CGNL1: variants seen among roughly 807,000 people sequenced by gnomAD.
CGNL1 encodes cingulin-like protein 1.
In CGNL1, 132 loss-of-function variants were observed where a neutral mutation model predicts 141.2. The ratio of observed to expected loss-of-function variants is 0.93; its 90% CI spans 0.81 to 1.08. The LOEUF is 1.08. CGNL1 is among the 50% of genes least tolerant of loss of function. The probability of loss-of-function intolerance (pLI) is 0.00; values close to 1 mark genes in which losing one functional copy is unlikely to be tolerated. For synonymous variants in CGNL1, 690 were observed against 622.1 expected (o/e 1.11, Z -1.63); for missense variants, 1,870 against 1,588.6 (o/e 1.18, Z -3.01).
chr15:57,532,096 G>A (rs1431479289), intron 14 of CGNL1, among the ~76,000 whole-genome samples: 3 of 152,134 alleles, frequency 2.0e-5, no homozygotes, highest in African/African-American at 7.2e-5. Flanking sequence ...AGAGTGAAGG[G>A]CTTTCTAAAT....
In CGNL1 at chr15:57,461,929, G is replaced by T. The variant is rs760781688; in HGVS notation, c.2403+37G>T. 2.6e-6 allele frequency: 4 copies of T among 1,527,570 alleles called. No homozygotes were observed. The African/African-American group carries it at 5.5e-5, about 21-fold the overall frequency. 94.6% of individuals were successfully genotyped at this position (1,527,570 alleles called of 1,614,324 possible). ...GGCAGGAGAATCTGGCTTGTGAACA[G>T]ATGAAAGGGTAAGACCCTCTCTCCC... On this transcript the variant is annotated intron_variant, in intron 8 of 18. Transcript: ENST00000281282.
At chr15:57,546,053 GC>G in intron 17 of CGNL1, 22 bp from the exon 18 acceptor site, 1 of 1,604,380 alleles carries the variant, frequency 6.2e-7, no homozygotes, top group Non-Finnish European at 8.5e-7. Flanking sequence ...CCGGCACTCA[GC>G]CCACATTCTC....
At chr15:57,395,714 T>C (rs1271250236) in intron 1 of CGNL1, among the ~76,000 whole-genome samples, 2 of 152,264 alleles carry the variant, frequency 1.3e-5, no homozygotes, top group Admixed American at 1.3e-4. Flanking sequence ...CATTGCCTAA[T>C]TGAATTCTCA....
chr15:57,537,044 G>C (rs1184237671), intron 14 of CGNL1, among the ~76,000 whole-genome samples: 6 of 152,154 alleles, frequency 3.9e-5, no homozygotes, highest in African/African-American at 1.4e-4. Flanking sequence ...GGCTTCATAT[G>C]CTTTAAATTA....
At chr15:57,483,468 C>CTTTTTTTTTTTTTTTTTTTTTTTTTT (rs60667956) in intron 8 of CGNL1, among the ~76,000 whole-genome samples, 1 of 127,808 alleles carries the variant, frequency 7.8e-6, no homozygotes, top group Non-Finnish European at 1.6e-5. Flanking sequence ...ACAAAGTTTT[C>CTTTTTTTTTTTTTTTTTTTTTTTTTT]TTTTTTTTTT....
chr15:57,453,167 T>C (rs775536077), intron 6 of CGNL1, among the ~76,000 whole-genome samples: 6 of 152,170 alleles, frequency 3.9e-5, no homozygotes, highest in Non-Finnish European at 5.9e-5. Context: ...CTGTTGCACA[T>C]ACTCAGCTCT....
chr15:57,535,585 G>A (rs16977581), intron 14 of CGNL1, among the ~76,000 whole-genome samples: 4,357 of 152,230 alleles, frequency 0.029, 222 homozygotes, highest in African/African-American at 0.1. Context: ...AGCATTTTGA[G>A]GAGCAATGAA....
intron 8 of CGNL1, among the ~76,000 whole-genome samples, chr15:57,504,609 G>A (rs2152392656): frequency 6.6e-6 from 1 of 152,332 alleles, no homozygotes; most frequent in African/African-American, 2.4e-5. Context: ...ATCCAGTCAT[G>A]GCAGGGTTGG....
chr15:57,434,967 G>A (rs1334280804), intron 1 of CGNL1, among the ~76,000 whole-genome samples: 1 of 151,982 alleles, frequency 6.6e-6, no homozygotes, highest in Admixed American at 6.6e-5. Context: ...AAGGAAGAGA[G>A]CAATGAGACC....
intron 1 of CGNL1, among the ~76,000 whole-genome samples, chr15:57,437,617 A>C (rs2063120480): frequency 9.3e-6 from 1 of 107,006 alleles, no homozygotes; most frequent in Non-Finnish European, 2.0e-5. Context: ...CCAACTAAAC[A>C]GCAAAAAAAA....
intron 8 of CGNL1, among the ~76,000 whole-genome samples, chr15:57,490,528 C>G (rs1447910954): frequency 1.3e-5 from 2 of 151,952 alleles, no homozygotes; most frequent in Non-Finnish European, 2.9e-5. Context: ...GGATTATGAC[C>G]CCAAAATAAA....
At chr15:57,407,210 C>G (rs1179050507) in intron 1 of CGNL1, 1 of 152,140 alleles carries the variant, frequency 6.6e-6, no homozygotes, top group African/African-American at 2.4e-5. Context: ...GGCTGACTTG[C>G]TATAACTTAC....
rs1190688479 is a variant in CGNL1, at chr15:57,544,503, C to G, written c.3406C>G (p.Leu1136Val). 1.9e-6 allele frequency: 3 copies of G among 1,613,786 alleles called. No individual in the cohort carries two copies. In the African/African-American group the frequency reaches 4.0e-5, roughly 22 times the overall value. The change falls in exon 16 of 19, where the codon CTG (leucine) becomes GTG (valine). Residue 1136 changes from leucine to valine, a missense_variant. Coordinates refer to ENST00000281282, the MANE Select transcript of CGNL1 (RefSeq NM_032866.5). The stretch of plus-strand genomic sequence containing the variant: ...GGACTTAAAGAGCCGGATTATCCAC[C>G]TGGAAGGTTCCTACAGGTCCAGCAA... Reference protein sequence around the residue: ...NKDLKSRIIHLEGSYRSSKEG... With the variant: ...NKDLKSRIIHVEGSYRSSKEG...
intron 1 of CGNL1, chr15:57,405,937 A>G (rs1331455497): frequency 6.6e-6 from 1 of 151,170 alleles, no homozygotes; most frequent in African/African-American, 2.4e-5. Context: ...GCTTAATACA[A>G]ATAAATGCCT....
chr15:57,426,084 C>T (rs1447657318), intron 1 of CGNL1, among the ~76,000 whole-genome samples: 5 of 152,070 alleles, frequency 3.3e-5, no homozygotes, highest in African/African-American at 1.2e-4. Context: ...TTTCTTCTGG[C>T]TCCTGGAGAT....
At chr15:57,434,521 T>C (rs1445415305) in intron 1 of CGNL1, among the ~76,000 whole-genome samples, 2 of 152,212 alleles carry the variant, frequency 1.3e-5, no homozygotes, top group Non-Finnish European at 2.9e-5. Context: ...ATATATATTA[T>C]GTGCTCATGT....
chr15:57,526,879 T>C (rs1248581899), intron 12 of CGNL1, among the ~76,000 whole-genome samples: 2 of 151,994 alleles, frequency 1.3e-5, no homozygotes, highest in Non-Finnish European at 2.9e-5. Flanking sequence ...ACGCTGGGCA[T>C]TGGGAAGGGG....
chr15:57,408,457 G>A (rs1259696461), intron 1 of CGNL1, among the ~76,000 whole-genome samples: 1 of 152,140 alleles, frequency 6.6e-6, no homozygotes, highest in Non-Finnish European at 1.5e-5. Context: ...TGACTTTTAA[G>A]CCCCAAAGCA....
chr15:57,449,386 A>G (rs1309587541), intron 4 of CGNL1, among the ~76,000 whole-genome samples: 2 of 152,054 alleles, frequency 1.3e-5, no homozygotes, highest in Non-Finnish European at 2.9e-5. Context: ...CACTTTTCTC[A>G]CTTAAATTAA....
Sources: gnomAD v4.1 joint callset for allele counts (sites outside exome capture counted in the v4.1 genomes callset) on GRCh38, gnomAD v4.1.1 for gene constraint, MANE v1.5 for transcripts, NCBI Gene and HGNC (gene_info 2026-07-23, HGNC 2026-07-21) for gene names.